Variants in GRB10 observed in about 807,000 individuals in gnomAD.
GRB10 encodes the protein growth factor receptor bound protein 10.
A neutral mutation model predicts 80.9 loss-of-function variants in GRB10; 20 were observed. That is an observed-to-expected ratio of 0.25 (90% CI 0.17 to 0.36). The LOEUF (loss-of-function observed/expected upper bound fraction) is 0.36, where lower values mean the gene tolerates loss of function less well. GRB10 is among the 10% of genes least tolerant of loss of function. The pLI is 1.00. For missense variants in GRB10, 548 were observed against 747.7 expected, an observed-to-expected ratio of 0.73 and a Z score of 3.12; for synonymous variants, 291 against 291.5, an observed-to-expected ratio of 1.00 and a Z score of 0.02.
chr7:50,726,495 GGAT>G (rs753963618), intron 4 of GRB10, among the ~76,000 whole-genome samples: 27 of 152,228 alleles, frequency 1.8e-4, no homozygotes, highest in Non-Finnish European at 3.2e-4. Flanking sequence ...CCATACTTGA[GGAT>G]GATGATGTTT....
chr7:50,737,646 C>T (rs547581249), intron 3 of GRB10, among the ~76,000 whole-genome samples: 2 of 152,246 alleles, frequency 1.3e-5, no homozygotes, highest in Non-Finnish European at 1.5e-5. Context: ...GTCAGGAGTT[C>T]AAGACCAGCC....
intron 7 of GRB10, among the ~76,000 whole-genome samples, chr7:50,628,567 G>A (rs1382719001): frequency 1.8e-5 from 1 of 56,788 alleles, no homozygotes; most frequent in African/African-American, 5.5e-5. Context: ...GCCCAGGTGG[G>A]GGTGGTGGGG....
intron 13 of GRB10, 32 bp downstream of exon 13, chr7:50,612,709 G>A: frequency 1.4e-6 from 2 of 1,446,804 alleles, no homozygotes; most frequent in Non-Finnish European, 1.9e-6. Context: ...GAAGAGATGT[G>A]CACTCAACAC....
chr7:50,739,212 T>C (rs75157673), intron 3 of GRB10, among the ~76,000 whole-genome samples: 2,149 of 152,298 alleles, frequency 0.014, 38 homozygotes, highest in African/African-American at 0.049. Flanking sequence ...GGGCAACTTG[T>C]ACTAGTTAAA....
chr7:50,786,437 C>T (rs1321783217), upstream of GRB10, among the ~76,000 whole-genome samples: 3 of 152,128 alleles, frequency 2.0e-5, no homozygotes, highest in African/African-American at 4.8e-5. Flanking sequence ...CAAGGAACTT[C>T]GGAACAAAGG....
intron 13 of GRB10, 175 bp from the exon 14 acceptor site, chr7:50,606,589 T>C: frequency 1.6e-6 from 1 of 632,054 alleles, no homozygotes; most frequent in South Asian, 1.7e-5. Context: ...TTAGGAGCAA[T>C]GACGCCCCTT....
chr7:50,593,982 C>CTT (rs753301760), intron 18 of GRB10, among the ~76,000 whole-genome samples: 1 of 134,322 alleles, frequency 7.4e-6, no homozygotes, highest in Non-Finnish European at 1.7e-5. Flanking sequence ...CCCTTTCTTT[C>CTT]TTTTTTTTTT....
chr7:50,611,182 T>A (rs1045617783), intron 13 of GRB10, among the ~76,000 whole-genome samples: 4 of 152,236 alleles, frequency 2.6e-5, no homozygotes, highest in Non-Finnish European at 5.9e-5. Context: ...GAGCATACCA[T>A]CAAATACAAA....
intron 4 of GRB10, among the ~76,000 whole-genome samples, chr7:50,710,325 C>G (rs970313659): frequency 6.6e-6 from 1 of 152,070 alleles, no homozygotes; most frequent in Non-Finnish European, 1.5e-5. Flanking sequence ...TGCTCCACCA[C>G]CCACCTTTCA....
intron 4 of GRB10, among the ~76,000 whole-genome samples, chr7:50,720,264 A>G (rs2067497834): frequency 6.6e-6 from 1 of 152,230 alleles, no homozygotes; most frequent in Non-Finnish European, 1.5e-5. Flanking sequence ...GTCACTTCGA[A>G]TACTTTGTTT....
Position 50,721,425 on chromosome 7 carries a change from G to A in GRB10, c.51+10847C>T, listed in dbSNP as rs545852310. On this transcript the variant is annotated intron_variant, in intron 4 of 18. Transcript: ENST00000401949. Reference sequence around the variant, plus strand: ...CAGTGATCATCAGATCAACTGCCGCGGATCACAGAGCTTGAATTCAAGTAG... The same window carrying A: ...CAGTGATCATCAGATCAACTGCCGCAGATCACAGAGCTTGAATTCAAGTAG... Among the ~76,000 whole-genome samples the A allele has an allele frequency of 4.6e-5, 7 of 152,316 alleles. No individual in the cohort carries two copies. In the East Asian group the frequency reaches 1.2e-3, roughly 25 times the overall value.
intron 9 of GRB10, among the ~76,000 whole-genome samples, chr7:50,618,781 C>A (rs2051110597): frequency 6.6e-6 from 1 of 152,242 alleles, no homozygotes; most frequent in African/African-American, 2.4e-5. Context: ...TCTAGTCATT[C>A]TTCCACGTAT....
intron 6 of GRB10, among the ~76,000 whole-genome samples, chr7:50,672,839 C>T (rs890577325): frequency 2.0e-5 from 3 of 152,224 alleles, no homozygotes; most frequent in African/African-American, 4.8e-5. Context: ...AAACAGCTCT[C>T]CCACCAGACT....
Position 50,742,273 on chromosome 7 carries a change from A to ACG in GRB10, c.-46-9906_-46-9905insCG, listed in dbSNP as rs2071990534. On this transcript the variant is annotated intron_variant, in intron 3 of 18. Transcript: ENST00000401949. ...TAAACACACGCGCACGCGCGCGCGC[A>ACG]CACACACACACACACACACACACAC... is the stretch of plus-strand genomic sequence containing the variant. 5.4e-4 allele frequency among the ~76,000 whole-genome samples: 4 copies of ACG among 7,462 alleles called. No individual in the cohort carries two copies. In the South Asian group the frequency reaches 0.025, roughly 46 times the overall value. The allele number at this position is 7,462 out of a possible 152,430, so 4.9% of individuals were successfully genotyped here. A position where few individuals can be genotyped will look rare whatever the true frequency, so the allele number is the denominator to read the frequency against.
At chr7:50,703,794 T>G in intron 5 of GRB10, 27 bp downstream of exon 5, 2 of 1,525,004 alleles carry the variant, frequency 1.3e-6, no homozygotes, top group Admixed American at 1.7e-5. Context: ...GAACTGGGAG[T>G]GTTCTTGTGT....
intron 7 of GRB10, among the ~76,000 whole-genome samples, chr7:50,642,458 A>C (rs2056434435): frequency 6.6e-6 from 1 of 151,674 alleles, no homozygotes; most frequent in Admixed American, 6.5e-5. Flanking sequence ...CACATGCTTC[A>C]TACATACATA....
intron 3 of GRB10, among the ~76,000 whole-genome samples, chr7:50,734,506 C>T (rs77371031): frequency 0.042 from 6,408 of 152,252 alleles, 226 homozygotes; most frequent in East Asian, 0.17. Flanking sequence ...ATCTCCCAGT[C>T]TCCCAGCTCA....
At chr7:50,789,558 C>T (rs1001948842) in intron 1 of GRB10, among the ~76,000 whole-genome samples, 1 of 149,946 alleles carries the variant, frequency 6.7e-6, no homozygotes, top group Non-Finnish European at 1.5e-5. Context: ...AGAAAAGAAA[C>T]GATATGGTGG....
At chr7:50,594,834 T>A (rs1393296964) in intron 18 of GRB10, among the ~76,000 whole-genome samples, 1 of 152,134 alleles carries the variant, frequency 6.6e-6, no homozygotes, top group Non-Finnish European at 1.5e-5. Context: ...TGTAATGAAG[T>A]TTTTGGAATT....
Sources: gnomAD v4.1 joint callset for allele counts (sites outside exome capture counted in the v4.1 genomes callset) on GRCh38, gnomAD v4.1.1 for gene constraint, MANE v1.5 for transcripts, NCBI Gene and HGNC (gene_info 2026-07-23, HGNC 2026-07-21) for gene names.